The following HDAC4 variants were observed in gnomAD, a reference collection of about 807,000 sequenced individuals.
The protein encoded by HDAC4 is histone deacetylase A.
In HDAC4, 16 loss-of-function variants were observed where a neutral mutation model predicts 135.1. The observed-to-expected ratio is 0.12, with a 90% confidence interval of 0.08 to 0.18. The LOEUF is 0.18. HDAC4 is among the 10% of genes least tolerant of loss of function. The pLI is 1.00. For missense variants in HDAC4, 1,143 were observed against 1,511.8 expected, an observed-to-expected ratio of 0.76 and a Z score of 4.05; for synonymous variants, 685 against 653.4, an observed-to-expected ratio of 1.05 and a Z score of -0.74.
chr2:239,090,051 G>A lies in HDAC4; in HGVS notation c.2346C>T (p.Cys782=), dbSNP rs144099208. ...SAGAARLAVG[C]VVELVFKVAT... is the part of the protein sequence containing the mutation. The stretch of plus-strand genomic sequence containing the variant: ...CCACCTTGAAGACCAGCTCTACCAC[G>A]CAGCCCACAGCCAGGCGGGCTGCCC... Residue 782 remains cysteine, a synonymous_variant, in exon 18 of 27, where the codon TGC becomes TGT. Transcript: ENST00000543185. 348 of 1,613,764 alleles carry A rather than the reference G, an allele frequency of 2.2e-4. No homozygotes were observed. The Middle Eastern group carries it at 2.6e-3, about 12-fold the overall frequency.
chr2:239,398,542 T>C (rs184791002), intron 1 of HDAC4, among the ~76,000 whole-genome samples: 15 of 152,322 alleles, frequency 9.8e-5, no homozygotes, highest in African/African-American at 3.4e-4. Context: ...TAAACATCCA[T>C]AGGGCATTCT....
chr2:239,106,868 G>A (rs576577370), intron 15 of HDAC4, among the ~76,000 whole-genome samples: 1 of 152,256 alleles, frequency 6.6e-6, no homozygotes, highest in Non-Finnish European at 1.5e-5. Flanking sequence ...TGGGCTGTCG[G>A]GTGTCCAGGA....
chr2:239,314,193 C>T (rs762846809), intron 2 of HDAC4, among the ~76,000 whole-genome samples: 9 of 152,102 alleles, frequency 5.9e-5, no homozygotes, highest in Non-Finnish European at 8.8e-5. Context: ...TAGAGGAACA[C>T]GCTATGAACC....
chr2:239,079,211 C>G (rs28502313), intron 22 of HDAC4, among the ~76,000 whole-genome samples: 7 of 152,060 alleles, frequency 4.6e-5, no homozygotes, highest in Non-Finnish European at 2.9e-5. Context: ...CATTGGGGGA[C>G]GTCCTTCTCT....
chr2:239,117,347 T>C (rs898602342), intron 12 of HDAC4, among the ~76,000 whole-genome samples: 3 of 151,860 alleles, frequency 2.0e-5, no homozygotes, highest in Non-Finnish European at 4.4e-5. Flanking sequence ...GGCTAAGGCA[T>C]GGGAGAAAGA....
intron 7 of HDAC4, among the ~76,000 whole-genome samples, chr2:239,149,100 GAAAAT>G (rs1575193211): frequency 6.6e-6 from 1 of 152,248 alleles, no homozygotes; most frequent in East Asian, 1.9e-4. Context: ...TTACTTCGGT[GAAAAT>G]AAAAAGATAA....
At position 239,122,671 on chromosome 2, in the gene HDAC4, C is replaced by T. The variant is rs201209392; in HGVS notation, c.1533+3785G>A. On this transcript the variant is annotated intron_variant, in intron 12 of 26. Transcript: ENST00000543185. ...GTGGAGTTTTCTCAGCCAAAAGGGG[C>T]AGCTCTGCAGGCTGCAGGCCTCGGG... Among the ~76,000 whole-genome samples the T allele has an allele frequency of 8.5e-5, 13 of 152,348 alleles. No individual in the cohort carries two copies. The East Asian group carries it at 2.1e-3, about 25-fold the overall frequency.
At chr2:239,233,012 G>A (rs1270740489) in intron 3 of HDAC4, among the ~76,000 whole-genome samples, 3 of 152,188 alleles carry the variant, frequency 2.0e-5, no homozygotes. Flanking sequence ...GAAGGGGGAA[G>A]AGCAAAGCCA....
chr2:239,298,212 C>T (rs774774414), intron 2 of HDAC4: 15 of 1,289,518 alleles, frequency 1.2e-5, no homozygotes, highest in South Asian at 4.9e-5. Flanking sequence ...AGGCCCGTCT[C>T]GGTATTCCGG....
At position 239,115,371 on chromosome 2, in the gene HDAC4, G is replaced by A. The variant is rs1490498418; in HGVS notation, c.1534-61C>T. 3.1e-6 allele frequency: 5 copies of A among 1,600,570 alleles called. No individual in the cohort carries two copies. In the Admixed American group the frequency reaches 6.7e-5, roughly 21 times the overall value. Reference sequence around the variant, plus strand: ...CTGGGTCCTCTGAGCTCATCTGACAGGAGAAGGGATGCTGCAAACCCCACC... The same window carrying A: ...CTGGGTCCTCTGAGCTCATCTGACAAGAGAAGGGATGCTGCAAACCCCACC... On this transcript the variant is annotated intron_variant, in intron 12 of 26. Transcript: ENST00000543185. This position sits in a 1 kb window ranked among gnomAD's most constrained non-coding sequence, Gnocchi z 6.3.
In HDAC4 at chr2:239,400,226, C is replaced by T. The variant is rs1696867304; in HGVS notation, c.-220+752G>A. 6.6e-6 allele frequency among the ~76,000 whole-genome samples: 1 copy of T among 151,474 alleles called. No individual in the cohort carries two copies. Among genetic ancestry groups the T allele is most frequent in the African/African-American group, 2.4e-5 (1 of 41,322 alleles). On this transcript the variant is annotated intron_variant, in intron 1 of 26. Coordinates refer to ENST00000543185, the MANE Select transcript of HDAC4 (RefSeq NM_001378414.1). The surrounding 1 kb of genome is among the most constrained non-coding windows in gnomAD (Gnocchi z 4.7). ...GCCCTCCCGCGACCCCCCGGGCGCT[C>T]GCAGCGGCGACGACAAGCGCGGGGC...
chr2:239,104,214 G>A (rs764966668), intron 15 of HDAC4, among the ~76,000 whole-genome samples: 10 of 152,066 alleles, frequency 6.6e-5, no homozygotes, highest in South Asian at 2.1e-4. Context: ...GGGCGGCTGC[G>A]GGGGCTTCTA....
chr2:239,157,317 C>T (rs190407002), intron 6 of HDAC4, among the ~76,000 whole-genome samples: 8 of 152,370 alleles, frequency 5.3e-5, no homozygotes, highest in East Asian at 1.9e-4. Flanking sequence ...CATCGTCATC[C>T]GTGCCTTCAC....
chr2:239,187,648 C>T (rs973345827), intron 4 of HDAC4, among the ~76,000 whole-genome samples: 3 of 152,210 alleles, frequency 2.0e-5, no homozygotes, highest in East Asian at 1.9e-4. Context: ...TCCACTGCAC[C>T]GAGTGGTGCC....
At chr2:239,198,638 G>C (rs914170608) in intron 3 of HDAC4, among the ~76,000 whole-genome samples, 3 of 152,178 alleles carry the variant, frequency 2.0e-5, no homozygotes, top group African/African-American at 4.8e-5. Context: ...TGCTCCTCGT[G>C]GTTGGCTGAG....
chr2:239,084,982 CAT>C (rs1179854198), intron 19 of HDAC4, among the ~76,000 whole-genome samples: 1 of 149,406 alleles, frequency 6.7e-6, no homozygotes, highest in Non-Finnish European at 1.5e-5. Flanking sequence ...CACACACACA[CAT>C]ATACACATAA....
At chr2:239,133,086 A>G (rs1320274616) in intron 11 of HDAC4, among the ~76,000 whole-genome samples, 1 of 152,206 alleles carries the variant, frequency 6.6e-6, no homozygotes, top group Non-Finnish European at 1.5e-5. Flanking sequence ...CTGGAGAAAC[A>G]AACAGAAAGG....
At chr2:239,235,115 G>A (rs1015459) in intron 3 of HDAC4, among the ~76,000 whole-genome samples, 4,651 of 152,066 alleles carry the variant, frequency 0.031, 249 homozygotes, top group African/African-American at 0.11. Context: ...AGTGTGCTGG[G>A]GTAAAAAATA....
rs919969168 is a variant in HDAC4, at chr2:239,051,250, CAG to C, written c.*1845_*1846del. 5 of 152,370 alleles carry C rather than the reference CAG, an allele frequency of 3.3e-5. No individual in the cohort carries two copies. The highest frequency in any genetic ancestry group is 5.9e-5 in the Non-Finnish European group (4 of 68,032). The allele number at this position is 152,370 out of a possible 1,614,324, so 9.4% of individuals were successfully genotyped here. On this transcript the variant is annotated 3_prime_UTR_variant, in exon 27 of 27. Coordinates refer to ENST00000543185, the MANE Select transcript of HDAC4 (RefSeq NM_001378414.1). ...AAAAGAGCCCCTGGGCTTCTTTATACAGCTCCTAGGACAGACCAGGAAAGACA... is the reference window on the plus strand; with the variant it reads ...AAAAGAGCCCCTGGGCTTCTTTATACCTCCTAGGACAGACCAGGAAAGACA...
Sources: allele counts gnomAD v4.1 joint callset (sites outside exome capture counted in the v4.1 genomes callset), GRCh38; gene constraint gnomAD v4.1.1; non-coding constraint Gnocchi (gnomAD v3.1); transcripts MANE v1.5; gene names NCBI Gene and HGNC (gene_info 2026-07-23, HGNC 2026-07-21).